Variants in ZNFX1 observed in about 807,000 individuals in gnomAD.
ZNFX1 encodes the protein zinc finger NFX1-type containing 1, also known as NFX1-type zinc finger-containing protein 1.
In ZNFX1, 78 loss-of-function variants were observed where a neutral mutation model predicts 179.8. The observed-to-expected ratio is 0.43, with a 90% confidence interval of 0.36 to 0.52. The LOEUF is 0.52. Among genes scored for constraint, ZNFX1 ranks in the 20% least tolerant of loss-of-function variants. The pLI is 0.00. For missense variants in ZNFX1, 1,927 were observed against 2,386.6 expected, an observed-to-expected ratio of 0.81 and a Z score of 4.01; for synonymous variants, 848 against 868.5, an observed-to-expected ratio of 0.98 and a Z score of 0.42.
In ZNFX1 at chr20:49,249,330, C is replaced by T. The variant is rs1980774504; in HGVS notation, c.3694G>A (p.Gly1232Arg). ...SRAKKGMYCI[G>R]NMQMLAKVPL... is the part of the protein sequence containing the mutation. ...ACCTTGGCCAGCATCTGCATGTTTC[C>T]GATGCAGTACATTCCCTTCTTGGCT... is the stretch of plus-strand genomic sequence containing the variant. The change falls in exon 14 of 14, where the codon GGA becomes AGA. Residue 1232 changes from glycine to arginine, a missense_variant. Gly to Arg is a moderately radical substitution (Grantham distance 125). Coordinates refer to ENST00000396105, the MANE Select transcript of ZNFX1 (RefSeq NM_021035.3). The T allele has an allele frequency of 4.3e-6, 7 of 1,614,090 alleles. No individual in the cohort carries two copies. The highest frequency in any genetic ancestry group is 5.9e-6 in the Non-Finnish European group (7 of 1,180,052).
At position 49,247,977 on chromosome 20, in the gene ZNFX1, G is replaced by A. The variant is rs111736412; in HGVS notation, c.5047C>T (p.Leu1683=). 2.8e-5 allele frequency: 45 copies of A among 1,614,008 alleles called. No individual in the cohort carries two copies. In the African/African-American group the frequency reaches 3.6e-4, roughly 13 times the overall value. Residue 1683 remains leucine (L), a synonymous_variant, in exon 14 of 14, where the codon CTG becomes TTG. Coordinates refer to ENST00000396105, the MANE Select transcript of ZNFX1 (RefSeq NM_021035.3). Reference sequence around the variant, plus strand: ...TGGGCCAGCTTCTCCTTTAACATCAGGAAGTCTTCAGGAAGCAGCTGGTGG... The same window carrying A: ...TGGGCCAGCTTCTCCTTTAACATCAAGAAGTCTTCAGGAAGCAGCTGGTGG... ...LLHQLLPEDF[L]MLKEKLAQKN...
rs199813588 is a variant in ZNFX1 at position 49,249,849 on chromosome 20, A to T, written c.3313-138T>A. On this transcript the variant is annotated intron_variant, in intron 13 of 13. Transcript: ENST00000396105. ...AGCTTTTTGTCCACTCAACATCACT[A>T]TCTTTAGTTCTTTAGTTAGTCATTG... The T allele has an allele frequency of 2.3e-5, 19 of 843,686 alleles. No homozygotes were observed. The East Asian group carries it at 5.1e-4, about 22-fold the overall frequency. 52.3% of individuals were successfully genotyped at this position (843,686 alleles called of 1,614,324 possible).
In ZNFX1 at chr20:49,248,587, G is replaced by C. The variant is rs573612521; in HGVS notation, c.4437C>G (p.Cys1479Trp). 6.2e-7 allele frequency: 1 copy of C among 1,614,186 alleles called. No individual in the cohort carries two copies. The highest frequency in any genetic ancestry group is 1.1e-5 in the South Asian group (1 of 91,090). ...LICSHKCQEP[C>W]IGECPPCQRT... The stretch of plus-strand genomic sequence containing the variant: ...GCTGGCAGGGTGGGCACTCACCAAT[G>C]CATGGTTCCTGGCACTTGTGTGAGC... The change falls in exon 14 of 14, where the codon TGC becomes TGG. Residue 1479 changes from cysteine (C) to tryptophan (W), a missense_variant. Coordinates refer to ENST00000396105, the MANE Select transcript of ZNFX1 (RefSeq NM_021035.3). This position sits in a 1 kb window ranked among gnomAD's most constrained non-coding sequence, Gnocchi z 4.6.
intron 7 of ZNFX1, among the ~76,000 whole-genome samples, 174 bp downstream of exon 7, chr20:49,260,289 C>CAA (rs11396262): frequency 8.0e-4 from 93 of 116,556 alleles, no homozygotes; most frequent in Middle Eastern, 9.1e-3. Context: ...AACTCCATCT[C>CAA]AAAAAAAAAA....
chr20:49,276,631 C>G (rs989058126), intron 1 of ZNFX1, among the ~76,000 whole-genome samples: 1 of 152,226 alleles, frequency 6.6e-6, no homozygotes, highest in African/African-American at 2.4e-5. Context: ...AAGGGAGCTT[C>G]TCAACCCAAC....
At chr20:49,264,980 TA>T (rs1197527392) in intron 4 of ZNFX1, 116 bp from the exon 5 acceptor site, 3 of 1,423,632 alleles carry the variant, frequency 2.1e-6, no homozygotes, top group Non-Finnish European at 2.9e-6. Context: ...AACTTGTGCT[TA>T]AAGGAAATTT....
intron 6 of ZNFX1, among the ~76,000 whole-genome samples, chr20:49,262,825 G>T (rs1442484523): frequency 6.6e-6 from 1 of 152,196 alleles, no homozygotes; most frequent in Admixed American, 6.5e-5. Flanking sequence ...CAGTCAGTCT[G>T]CATGACTATA....
rs1031208389 is a variant in ZNFX1, at chr20:49,247,118, C to T, written c.*149G>A. On this transcript the variant is annotated 3_prime_UTR_variant, in exon 14 of 14. Coordinates refer to ENST00000396105, the MANE Select transcript of ZNFX1 (RefSeq NM_021035.3). ...TCCTGACCTCGTGATCCGCCTGCCTCGGCCTCCCAAAGTGCTGGGATTACA... is the reference window on the plus strand; with the variant it reads ...TCCTGACCTCGTGATCCGCCTGCCTTGGCCTCCCAAAGTGCTGGGATTACA... The T allele has an allele frequency of 1.4e-4, 150 of 1,065,968 alleles. No individual in the cohort carries two copies. The highest frequency in any genetic ancestry group is 1.3e-3 in the African/African-American group (79 of 62,634). The allele number at this position is 1,065,968 out of a possible 1,614,324, so 66.0% of individuals were successfully genotyped here.
chr20:49,267,527 T>C (rs1981269507), intron 3 of ZNFX1, among the ~76,000 whole-genome samples: 1 of 151,966 alleles, frequency 6.6e-6, no homozygotes, highest in African/African-American at 2.4e-5. Flanking sequence ...TCATTGGTGT[T>C]TTTTAAAGAC....
Position 49,246,118 on chromosome 20 carries a change from T to C in ZNFX1, c.*1149A>G, listed in dbSNP as rs892998756. 3 of 152,206 alleles carry C rather than the reference T, an allele frequency of 2.0e-5. No homozygotes were observed. Among genetic ancestry groups the C allele is most frequent in the Admixed American group, 6.6e-5 (1 of 15,266 alleles). The allele number at this position is 152,206 out of a possible 1,614,324, so 9.4% of individuals were successfully genotyped here. A position where few individuals can be genotyped will look rare whatever the true frequency, so the allele number is the denominator to read the frequency against. ...GAGCCTGCAGAAGCTGCTGGCATGC[T>C]AGCTCTACCCAGGGAACAGCTCCAA... On this transcript the variant is annotated 3_prime_UTR_variant, in exon 14 of 14. Coordinates refer to ENST00000396105, the MANE Select transcript of ZNFX1 (RefSeq NM_021035.3).
At chr20:49,269,881 G>C (rs1355634431) in intron 3 of ZNFX1, 61 bp downstream of exon 3, 2 of 1,507,362 alleles carry the variant, frequency 1.3e-6, no homozygotes, top group Non-Finnish European at 1.8e-6. Flanking sequence ...TAGAGTGAAG[G>C]CTCCGTCCCT....
At chr20:49,255,649 G>A (rs568578965) in intron 9 of ZNFX1, among the ~76,000 whole-genome samples, 159 bp downstream of exon 9, 2 of 152,332 alleles carry the variant, frequency 1.3e-5, no homozygotes, top group East Asian at 3.9e-4. Flanking sequence ...GTAGAGCAAA[G>A]TGTCTATTCT....
chr20:49,248,959 G>A lies in ZNFX1; in HGVS notation c.4065C>T (p.Cys1355=), dbSNP rs547994891. 2.2e-5 allele frequency: 36 copies of A among 1,614,210 alleles called. No individual in the cohort carries two copies. The highest frequency in any genetic ancestry group is 6.7e-5 in the Admixed American group (4 of 60,022). The change falls in exon 14 of 14, where the codon TGC becomes TGT. Residue 1355 remains cysteine, a synonymous_variant. Coordinates refer to ENST00000396105, the MANE Select transcript of ZNFX1 (RefSeq NM_021035.3). This position sits in a 1 kb window ranked among gnomAD's most constrained non-coding sequence, Gnocchi z 4.6. ...QVKVPKTIPR[C]GHEQMVPCSV... ...AACAAGGGACCATTTGTTCATGGCC[G>A]CACCGAGGAATGGTTTTGGGCACCT...
intron 9 of ZNFX1, among the ~76,000 whole-genome samples, chr20:49,255,183 A>G (rs556601473): frequency 3.6e-4 from 54 of 151,936 alleles, no homozygotes; most frequent in Admixed American, 7.9e-4. Context: ...AGCTGGGATT[A>G]TAGGCACCGG....
At position 49,269,804 on chromosome 20, in the gene ZNFX1, T is replaced by C. The variant is rs564367488; in HGVS notation, c.1870+138A>G. On this transcript the variant is annotated intron_variant, in intron 3 of 13. Transcript: ENST00000396105. ...TTTACACATGTAACAAACCTGCACA[T>C]GTACCCCTAAACCTAAAATAAAAGT... The C allele has an allele frequency of 4.8e-6, 5 of 1,035,746 alleles. No homozygotes were observed. The Admixed American group carries it at 7.8e-5, about 16-fold the overall frequency. The allele number at this position is 1,035,746 out of a possible 1,614,324, so 64.2% of individuals were successfully genotyped here.
rs185853530 is a variant in ZNFX1 at position 49,268,076 on chromosome 20, C to T, written c.1871-1810G>A. 2.1e-3 allele frequency among the ~76,000 whole-genome samples: 314 copies of T among 152,092 alleles called. 1 individual carries two copies. Among genetic ancestry groups the T allele is most frequent in the Non-Finnish European group, 2.5e-3 (172 of 67,996 alleles). ...TTTTTTAGTAGAGACAGGGTTTCGT[C>T]GTGTTAGCCAGGATGGTCTTGATCT... On this transcript the variant is annotated intron_variant, in intron 3 of 13. Transcript: ENST00000396105.
rs770144933 is a variant in ZNFX1 at position 49,247,980 on chromosome 20, A to G, written c.5044T>C (p.Phe1682Leu). 3.1e-6 allele frequency: 5 copies of G among 1,613,932 alleles called. No homozygotes were observed. In the African/African-American group the frequency reaches 6.7e-5, roughly 22 times the overall value. Residue 1682 changes from phenylalanine to leucine, a missense_variant, in exon 14 of 14, where the codon TTC becomes CTC. Physicochemically the swap from Phe to Leu is conservative, Grantham distance 22. Transcript: ENST00000396105. ...SLLHQLLPED[F>L]LMLKEKLAQK... ...GCCAGCTTCTCCTTTAACATCAGGAAGTCTTCAGGAAGCAGCTGGTGGAGG... is the reference window on the plus strand; with the variant it reads ...GCCAGCTTCTCCTTTAACATCAGGAGGTCTTCAGGAAGCAGCTGGTGGAGG...
intron 7 of ZNFX1, among the ~76,000 whole-genome samples, 174 bp downstream of exon 7, chr20:49,260,289 C>CA (rs11396262): frequency 0.67 from 78,368 of 116,284 alleles, 25,900 homozygotes; most frequent in Non-Finnish European, 0.76. Context: ...AACTCCATCT[C>CA]AAAAAAAAAA....
At chr20:49,266,831 G>T (rs1443607597) in intron 3 of ZNFX1, among the ~76,000 whole-genome samples, 1 of 151,972 alleles carries the variant, frequency 6.6e-6, no homozygotes, top group East Asian at 1.9e-4. Flanking sequence ...AATCAACATT[G>T]GAATAAGAGT....
Sources: allele counts gnomAD v4.1 joint callset (sites outside exome capture counted in the v4.1 genomes callset), GRCh38; gene constraint gnomAD v4.1.1; non-coding constraint Gnocchi (gnomAD v3.1); transcripts MANE v1.5; gene names NCBI Gene and HGNC (gene_info 2026-07-23, HGNC 2026-07-21).